The following LRRC8D variants were observed in gnomAD, a reference collection of about 807,000 sequenced individuals.
LRRC8D encodes volume-regulated anion channel subunit LRRC8D.
LRRC8D carries 20 observed loss-of-function variants against 55.8 expected under a neutral mutation model. The observed-to-expected ratio is 0.36, with a 90% confidence interval of 0.25 to 0.52. The LOEUF is 0.52. Ranked by LOEUF, LRRC8D falls within the 20% of genes least tolerant of loss-of-function variation. The pLI, the probability that LRRC8D is intolerant of heterozygous loss-of-function variation, is 0.93. For missense variants in LRRC8D, 651 were observed against 1,030.8 expected (o/e 0.63, Z 5.05); for synonymous variants, 352 against 377.0 (o/e 0.93, Z 0.77).
chr1:89,879,417 G>A (rs1319843520), intron 2 of LRRC8D, among the ~76,000 whole-genome samples: 2 of 152,206 alleles, frequency 1.3e-5, no homozygotes, highest in African/African-American at 4.8e-5. Context: ...GAGCCGTCCA[G>A]TAGTTTGCTA....
intron 2 of LRRC8D, among the ~76,000 whole-genome samples, chr1:89,887,148 A>C (rs1428175036): frequency 6.6e-6 from 1 of 152,188 alleles, no homozygotes; most frequent in African/African-American, 2.4e-5. Flanking sequence ...GAAACCTCAG[A>C]TATCTTGAAG....
chr1:89,895,890 G>A lies in LRRC8D; in HGVS notation c.-2-37177G>A, dbSNP rs571935458. Among the ~76,000 whole-genome samples, 19 of 152,120 alleles carry A rather than the reference G, an allele frequency of 1.2e-4. 1 individual carries two copies. In the South Asian group the frequency reaches 3.7e-3, roughly 30 times the overall value. On this transcript the variant is annotated intron_variant, in intron 2 of 2. Transcript: ENST00000337338. The stretch of plus-strand genomic sequence containing the variant: ...CAGAGTAGCATACTCAGCTCTACAG[G>A]GAAAACTTTTCCATAGGAAACATCA...
intron 2 of LRRC8D, among the ~76,000 whole-genome samples, chr1:89,892,847 A>G (rs556498260): frequency 1.6e-4 from 25 of 152,320 alleles, no homozygotes; most frequent in Non-Finnish European, 3.5e-4. Context: ...TCAAATTCAC[A>G]AGGTTATTAT....
intron 1 of LRRC8D, among the ~76,000 whole-genome samples, chr1:89,831,464 A>T (rs950271294): frequency 2.6e-5 from 4 of 152,154 alleles, no homozygotes; most frequent in Admixed American, 6.5e-5. Flanking sequence ...GACCGGTGGG[A>T]CACACACAGA....
At chr1:89,826,091 T>C (rs1660754986) in intron 1 of LRRC8D, among the ~76,000 whole-genome samples, 1 of 152,202 alleles carries the variant, frequency 6.6e-6, no homozygotes, top group Non-Finnish European at 1.5e-5. Context: ...AAAGAAGGGA[T>C]GCCTTTTGAA....
At chr1:89,831,766 A>G (rs1660891766) in intron 1 of LRRC8D, among the ~76,000 whole-genome samples, 1 of 152,224 alleles carries the variant, frequency 6.6e-6, no homozygotes, top group Non-Finnish European at 1.5e-5. Flanking sequence ...AAAGAAGACT[A>G]GGGAGTGAGA....
chr1:89,865,936 C>T (rs967049902), intron 2 of LRRC8D, among the ~76,000 whole-genome samples: 2 of 152,176 alleles, frequency 1.3e-5, no homozygotes, highest in Non-Finnish European at 2.9e-5. Flanking sequence ...TGAAGGAAGT[C>T]AATAGATTAT....
intron 2 of LRRC8D, among the ~76,000 whole-genome samples, chr1:89,887,428 T>G (rs1662448675): frequency 6.6e-6 from 1 of 152,202 alleles, no homozygotes. Context: ...GAACACAGAA[T>G]GACACACATG....
intron 2 of LRRC8D, among the ~76,000 whole-genome samples, chr1:89,932,182 G>A (rs1483987683): frequency 1.3e-5 from 2 of 152,196 alleles, no homozygotes; most frequent in African/African-American, 4.8e-5. Context: ...TCCTGGCACC[G>A]GGGCTTCATT....
intron 2 of LRRC8D, among the ~76,000 whole-genome samples, chr1:89,869,779 C>T (rs1026748886): frequency 3.3e-5 from 5 of 152,190 alleles, no homozygotes; most frequent in Admixed American, 3.3e-4. Flanking sequence ...CCCTACAAGC[C>T]AGAAGAGAGT....
At chr1:89,837,138 C>CTG (rs1411977950) in intron 1 of LRRC8D, among the ~76,000 whole-genome samples, 5 of 152,234 alleles carry the variant, frequency 3.3e-5, no homozygotes, top group African/African-American at 1.2e-4. Flanking sequence ...TTCAGTTGTG[C>CTG]TGTAGCCAGG....
chr1:89,869,115 C>T (rs1432616937), intron 2 of LRRC8D, among the ~76,000 whole-genome samples: 1 of 152,094 alleles, frequency 6.6e-6, no homozygotes, highest in East Asian at 1.9e-4. Flanking sequence ...CTATGTTGGC[C>T]AGGCTGGTCT....
rs111857820 is a variant in LRRC8D, at chr1:89,891,127, G to A, written c.-2-41940G>A. Among the ~76,000 whole-genome samples the A allele has an allele frequency of 3.4e-3, 514 of 152,256 alleles. 2 individuals are homozygous for A. Among genetic ancestry groups the A allele is most frequent in the African/African-American group, 0.012 (495 of 41,536 alleles). ...GATCTCGTGACCTTGTGATCCGCCC[G>A]CCTCAGCCTCCCAAAGGGCTGGGAT... On this transcript the variant is annotated intron_variant, in intron 2 of 2. Coordinates refer to ENST00000337338, the MANE Select transcript of LRRC8D (RefSeq NM_001134479.2).
intron 2 of LRRC8D, among the ~76,000 whole-genome samples, chr1:89,861,980 G>A (rs1661730409): frequency 6.6e-6 from 1 of 152,178 alleles, no homozygotes; most frequent in African/African-American, 2.4e-5. Context: ...AGATACTAAA[G>A]GGGCAACATA....
At chr1:89,906,608 A>T (rs2100928134) in intron 2 of LRRC8D, among the ~76,000 whole-genome samples, 1 of 152,196 alleles carries the variant, frequency 6.6e-6, no homozygotes, top group East Asian at 1.9e-4. Context: ...TCTCAGCCAA[A>T]CTTTTGGGAG....
intron 2 of LRRC8D, among the ~76,000 whole-genome samples, chr1:89,913,211 G>A (rs949911095): frequency 1.4e-4 from 21 of 152,196 alleles, no homozygotes; most frequent in Admixed American, 1.2e-3. Flanking sequence ...TCCTCATTAG[G>A]TGGCCACATC....
At chr1:89,829,758 G>C (rs112788928) in intron 1 of LRRC8D, among the ~76,000 whole-genome samples, 1 of 152,188 alleles carries the variant, frequency 6.6e-6, no homozygotes, top group Non-Finnish European at 1.5e-5. Context: ...GTATGAGCCT[G>C]TTGGTAAAAC....
intron 2 of LRRC8D, among the ~76,000 whole-genome samples, chr1:89,870,484 AAAG>A (rs888327087): frequency 5.9e-5 from 9 of 152,196 alleles, no homozygotes; most frequent in South Asian, 2.1e-4. Flanking sequence ...TCAAAAAAAA[AAAG>A]AAGAAGATAG....
chr1:89,884,729 G>T lies in LRRC8D; in HGVS notation c.-3+40947G>T, dbSNP rs746852582. Among the ~76,000 whole-genome samples, 4 of 152,152 alleles carry T rather than the reference G, an allele frequency of 2.6e-5. No homozygotes were observed. In the East Asian group the frequency reaches 7.7e-4, roughly 29 times the overall value. The stretch of plus-strand genomic sequence containing the variant: ...TCCTCTCAGACTTGATGTGACAATG[G>T]AAAGAAATTAGGTTTATAAAACTCA... On this transcript the variant is annotated intron_variant, in intron 2 of 2. Coordinates refer to ENST00000337338, the MANE Select transcript of LRRC8D (RefSeq NM_001134479.2).
Sources: allele counts gnomAD v4.1 joint callset (sites outside exome capture counted in the v4.1 genomes callset), GRCh38; gene constraint gnomAD v4.1.1; transcripts MANE v1.5; gene names NCBI Gene and HGNC (gene_info 2026-07-23, HGNC 2026-07-21).